Variants in ZNF764 observed in about 807,000 individuals in gnomAD.
ZNF764 encodes zinc finger protein 764.
Under a neutral mutation model 13.9 loss-of-function variants are expected in ZNF764, and 10 were observed. The ratio of observed to expected loss-of-function variants is 0.72; its 90% CI spans 0.44 to 1.22. The LOEUF is 1.22. Ranked by LOEUF, ZNF764 falls within the 50% of genes most tolerant of loss-of-function variation. The pLI is 0.00. For missense variants in ZNF764, 647 were observed against 589.7 expected (o/e 1.10, Z -1.01); for synonymous variants, 313 against 255.1 (o/e 1.23, Z -2.16).
chr16:30,555,612 T>C lies in ZNF764; in HGVS notation c.806A>G (p.Gln269Arg), dbSNP rs2051545511. Residue 269 changes from glutamine to arginine, a missense_variant, in exon 3 of 3, where the codon CAG (glutamine) becomes CGG (arginine). Coordinates refer to ENST00000395091, the MANE Select transcript of ZNF764 (RefSeq NM_001172679.2). The stretch of plus-strand genomic sequence containing the variant: ...CCGGTGCTGGTAGAGGGCAGAGCTC[T>C]GGCTGAAGCGGCGGCCACAGTCGGC... ...GCADCGRRFSQSSALYQHRRV... is the reference protein window; with the variant it reads ...GCADCGRRFSRSSALYQHRRV... 6.5e-7 allele frequency: 1 copy of C among 1,546,494 alleles called. No homozygotes were observed. Among genetic ancestry groups the C allele is most frequent in the East Asian group, 2.4e-5 (1 of 42,398 alleles).
rs754649902 is a variant in ZNF764 at position 30,555,588 on chromosome 16, C to T, written c.830G>A (p.Arg277Gln). The T allele has an allele frequency of 5.8e-6, 9 of 1,543,838 alleles. No individual in the cohort carries two copies. Among genetic ancestry groups the T allele is most frequent in the Middle Eastern group, 3.5e-4 (2 of 5,688 alleles). The change falls in exon 3 of 3, where the codon CGG (arginine) becomes CAG (glutamine). Residue 277 changes from arginine (R) to glutamine (Q), a missense_variant. Coordinates refer to ENST00000395091, the MANE Select transcript of ZNF764 (RefSeq NM_001172679.2). ...GGGGGTCTCGCCGCTGTGCACGCGC[C>T]GGTGCTGGTAGAGGGCAGAGCTCTG... The part of the protein sequence containing the change: ...FSQSSALYQH[R>Q]RVHSGETPFP...
chr16:30,555,292 C>CGACCCGGCCCCTGTGG lies in ZNF764; in HGVS notation c.1110_1125dup (p.Ala376ProfsTer46), dbSNP rs1376845032. 6.2e-7 allele frequency: 1 copy of CGACCCGGCCCCTGTGG among 1,611,752 alleles called. No homozygotes were observed. The highest frequency in any genetic ancestry group is 1.1e-5 in the South Asian group (1 of 90,934). The stretch of plus-strand genomic sequence containing the variant: ...GTCAGGGTCACAGACAGACGCCCGG[C>CGACCCGGCCCCTGTGG]GACCCGGCCCCTGTGGCCCCCGGCC... On this transcript the variant is annotated frameshift_variant, in exon 3 of 3. Coordinates refer to ENST00000395091, the MANE Select transcript of ZNF764 (RefSeq NM_001172679.2). LOFTEE classifies it low-confidence loss of function (END_TRUNC).
Position 30,558,270 on chromosome 16 carries a change from C to A in ZNF764, c.-88G>T. The A allele has an allele frequency of 7.1e-7, 1 of 1,413,170 alleles. No homozygotes were observed. The highest frequency in any genetic ancestry group is 1.8e-4 in the Middle Eastern group (1 of 5,438). 87.5% of individuals were successfully genotyped at this position (1,413,170 alleles called of 1,614,324 possible). On this transcript the variant is annotated 5_prime_UTR_variant, in exon 1 of 3. Transcript: ENST00000395091. ...CCTCCTGCGCCCGAGAAAGCCTCCC[C>A]GGCCCGGGCCCAAGGGAAGGAGGGA... is the stretch of plus-strand genomic sequence containing the variant.
Position 30,556,005 on chromosome 16 carries a change from G to T in ZNF764, c.413C>A (p.Ala138Asp), listed in dbSNP as rs115131694. 8.1e-6 allele frequency: 13 copies of T among 1,612,530 alleles called. No individual in the cohort carries two copies. In the African/African-American group the frequency reaches 1.6e-4, roughly 20 times the overall value. ...AGSPGLKSPQAPSAGPPYGWE... is the reference protein window; with the variant it reads ...AGSPGLKSPQDPSAGPPYGWE... Reference sequence around the variant, plus strand: ...ACCATAAGGGGGCCCGGCCGAGGGGGCTTGGGGAGACTTCAGCCCAGGAGA... The same window carrying T: ...ACCATAAGGGGGCCCGGCCGAGGGGTCTTGGGGAGACTTCAGCCCAGGAGA... The change falls in exon 3 of 3, where the codon GCC (alanine) becomes GAC (aspartate). Residue 138 changes from alanine to aspartate, a missense_variant. Ala to Asp is a moderately radical substitution (Grantham distance 126). Transcript: ENST00000395091.
At chr16:30,557,179 G>C (rs192938764) in intron 2 of ZNF764, among the ~76,000 whole-genome samples, 5 of 151,618 alleles carry the variant, frequency 3.3e-5, no homozygotes, top group African/African-American at 1.2e-4. Flanking sequence ...GGTGGCGGGC[G>C]CCTGTAATCC....
Position 30,557,786 on chromosome 16 carries a change from C to T in ZNF764, c.257G>A (p.Gly86Asp), listed in dbSNP as rs767277153. The part of the protein sequence containing the change: ...SWVEEEAELW[G>D]PAAQDPEVAK... Reference sequence around the variant, plus strand: ...CACCTCCGGATCCTGGGCAGCCGGACCCCACAGTTCGGCCTCCTCCTCCAC... The same window carrying T: ...CACCTCCGGATCCTGGGCAGCCGGATCCCACAGTTCGGCCTCCTCCTCCAC... The change falls in exon 2 of 3, where the codon GGT becomes GAT. Residue 86 changes from glycine (G) to aspartate (D), a missense_variant. By Grantham distance (94) the Gly-to-Asp change is moderately conservative (BLOSUM62 -1). Coordinates refer to ENST00000395091, the MANE Select transcript of ZNF764 (RefSeq NM_001172679.2). 1.6e-5 allele frequency: 26 copies of T among 1,613,254 alleles called. No homozygotes were observed. Among genetic ancestry groups the T allele is most frequent in the African/African-American group, 6.7e-5 (5 of 75,034 alleles).
rs139523326 is a variant in ZNF764 at position 30,558,076 on chromosome 16, C to A, written c.107G>T (p.Cys36Phe). 30 of 1,611,948 alleles carry A rather than the reference C, an allele frequency of 1.9e-5. No individual in the cohort carries two copies. In the African/African-American group the frequency reaches 3.6e-4, roughly 19 times the overall value. The change falls in exon 1 of 3, where the codon TGC becomes TTC. Residue 36 changes from cysteine to phenylalanine, a missense_variant. Physicochemically the swap from Cys to Phe is radical, Grantham distance 205. Transcript: ENST00000395091. ...VSFADVAVYFCREEWGCLRPA... is the reference protein window; with the variant it reads ...VSFADVAVYFFREEWGCLRPA... ...CCGCAAGCAGCCCCACTCCTCCCGG[C>A]AGAAGTACACGGCCACGTCCGCGAA...
At position 30,555,187 on chromosome 16, in the gene ZNF764, A is replaced by C. The variant is rs1036641726; in HGVS notation, c.*7T>G. Reference sequence around the variant, plus strand: ...CCGTAATGTCTAGATAGTCACTTTTAAGGCCGTCACCCACACTCCTGGAAT... The same window carrying C: ...CCGTAATGTCTAGATAGTCACTTTTCAGGCCGTCACCCACACTCCTGGAAT... On this transcript the variant is annotated 3_prime_UTR_variant, in exon 3 of 3. Transcript: ENST00000395091. The C allele has an allele frequency of 5.6e-6, 9 of 1,601,372 alleles. No individual in the cohort carries two copies. Among genetic ancestry groups the C allele is most frequent in the Non-Finnish European group, 7.7e-6 (9 of 1,173,944 alleles).
At chr16:30,557,452 C>T (rs1329825041) in intron 2 of ZNF764, among the ~76,000 whole-genome samples, 1 of 152,236 alleles carries the variant, frequency 6.6e-6, no homozygotes, top group South Asian at 2.1e-4. Flanking sequence ...GACAACAAAG[C>T]GAGACCCTGT....
At position 30,555,362 on chromosome 16, in the gene ZNF764, G is replaced by C. The variant is rs1043557411; in HGVS notation, c.1056C>G (p.Gly352=). The C allele has an allele frequency of 6.2e-7, 1 of 1,600,908 alleles. No individual in the cohort carries two copies. The highest frequency in any genetic ancestry group is 1.7e-4 in the Middle Eastern group (1 of 6,018). The part of the protein sequence containing the change: ...YPCPQCGRRF[G]QKSAVAKHQW... Reference sequence around the variant, plus strand: ...GGTGTTTGGCCACGGCTGACTTCTGGCCAAAGCGGCGGCCGCACTGCGGGC... The same window carrying C: ...GGTGTTTGGCCACGGCTGACTTCTGCCCAAAGCGGCGGCCGCACTGCGGGC... The change falls in exon 3 of 3, where the codon GGC becomes GGG. Residue 352 remains glycine, a synonymous_variant. Coordinates refer to ENST00000395091, the MANE Select transcript of ZNF764 (RefSeq NM_001172679.2).
In ZNF764 at chr16:30,558,048, T is replaced by C; in HGVS notation, c.135A>G (p.Pro45=). ...FCREEWGCLR[P]AQRALYRDVM... Reference sequence around the variant, plus strand: ...CGTCCCGGTACAGGGCCCTCTGCGCTGGCCGCAAGCAGCCCCACTCCTCCC... The same window carrying C: ...CGTCCCGGTACAGGGCCCTCTGCGCCGGCCGCAAGCAGCCCCACTCCTCCC... Residue 45 remains proline, a synonymous_variant, in exon 1 of 3, where the codon CCA becomes CCG. Coordinates refer to ENST00000395091, the MANE Select transcript of ZNF764 (RefSeq NM_001172679.2). 6.2e-7 allele frequency: 1 copy of C among 1,611,858 alleles called. No individual in the cohort carries two copies. The highest frequency in any genetic ancestry group is 1.3e-5 in the African/African-American group (1 of 74,866).
Position 30,555,154 on chromosome 16 carries a change from C to G in ZNF764, c.*40G>C. ...GAGGTTCGGGCCCCTGAGCCCATCT[C>G]GGGCCTCCCGTAATGTCTAGATAGT... is the stretch of plus-strand genomic sequence containing the variant. On this transcript the variant is annotated 3_prime_UTR_variant, in exon 3 of 3. Coordinates refer to ENST00000395091, the MANE Select transcript of ZNF764 (RefSeq NM_001172679.2). 6.4e-7 allele frequency: 1 copy of G among 1,553,510 alleles called. No individual in the cohort carries two copies. Among genetic ancestry groups the G allele is most frequent in the Non-Finnish European group, 8.7e-7 (1 of 1,152,122 alleles).
At position 30,555,788 on chromosome 16, in the gene ZNF764, G is replaced by A. The variant is rs968442709; in HGVS notation, c.630C>T (p.Gly210=). 3.1e-6 allele frequency: 5 copies of A among 1,610,308 alleles called. No individual in the cohort carries two copies. The African/African-American group carries it at 6.7e-5, about 22-fold the overall frequency. The part of the protein sequence containing the change: ...KPFHCTDCGK[G]FGHASSLSKH... ...TGCTCAGGGAGGAAGCGTGGCCGAAGCCCTTGCCGCAGTCAGTGCAGTGGA... is the reference window on the plus strand; with the variant it reads ...TGCTCAGGGAGGAAGCGTGGCCGAAACCCTTGCCGCAGTCAGTGCAGTGGA... The change falls in exon 3 of 3, where the codon GGC becomes GGT. Residue 210 remains glycine, a synonymous_variant. Coordinates refer to ENST00000395091, the MANE Select transcript of ZNF764 (RefSeq NM_001172679.2).
rs767856777 is a variant in ZNF764, at chr16:30,555,171, CTAGA to C, written c.*19_*22del. ...GCCCATCTCGGGCCTCCCGTAATGT[CTAGA>C]TAGTCACTTTTAAGGCCGTCACCCA... On this transcript the variant is annotated 3_prime_UTR_variant, in exon 3 of 3. Transcript: ENST00000395091. 8 of 1,588,636 alleles carry C rather than the reference CTAGA, an allele frequency of 5.0e-6. No individual in the cohort carries two copies. Among genetic ancestry groups the C allele is most frequent in the South Asian group, 4.6e-5 (4 of 87,266 alleles).
intron 2 of ZNF764, among the ~76,000 whole-genome samples, chr16:30,556,749 G>A (rs2051559426): frequency 6.6e-6 from 1 of 152,048 alleles, no homozygotes. Flanking sequence ...CAGACGCAGT[G>A]GGTCACTTTG....
In ZNF764 at chr16:30,558,284, G is replaced by T; in HGVS notation, c.-102C>A. Reference sequence around the variant, plus strand: ...GAAAGCCTCCCCGGCCCGGGCCCAAGGGAAGGAGGGAGGTTACTAGGGCCC... The same window carrying T: ...GAAAGCCTCCCCGGCCCGGGCCCAATGGAAGGAGGGAGGTTACTAGGGCCC... On this transcript the variant is annotated 5_prime_UTR_variant, in exon 1 of 3. Transcript: ENST00000395091. 2 of 1,373,946 alleles carry T rather than the reference G, an allele frequency of 1.5e-6. No individual in the cohort carries two copies. The highest frequency in any genetic ancestry group is 1.5e-5 in the South Asian group (1 of 67,056). The allele number at this position is 1,373,946 out of a possible 1,614,324, so 85.1% of individuals were successfully genotyped here.
In ZNF764 at chr16:30,556,108, C is replaced by G; in HGVS notation, c.311-1G>C. ...CTTTCCTTTTTCTTGTTTCTGGAAT[C>G]TGCTGAGAGATAAAGAGGGGAGAGT... On this transcript the variant is annotated splice_acceptor_variant, in intron 2 of 2. Transcript: ENST00000395091. LOFTEE classifies it high-confidence loss of function. The G allele has an allele frequency of 6.2e-7, 1 of 1,610,546 alleles. No individual in the cohort carries two copies. The highest frequency in any genetic ancestry group is 8.5e-7 in the Non-Finnish European group (1 of 1,180,008).
chr16:30,557,161 G>C (rs1412500819), intron 2 of ZNF764, among the ~76,000 whole-genome samples: 4 of 147,372 alleles, frequency 2.7e-5, no homozygotes, highest in Non-Finnish European at 4.5e-5. Flanking sequence ...AAAAAATTAA[G>C]CAGGCTTGGT....
Position 30,558,314 on chromosome 16 carries a change from G to A in ZNF764, c.-132C>T. ...GGAGGGAGGTTACTAGGGCCCCCGA[G>A]GGCGCACTAGAGGGCGTGGAAACTA... On this transcript the variant is annotated 5_prime_UTR_variant, in exon 1 of 3. Coordinates refer to ENST00000395091, the MANE Select transcript of ZNF764 (RefSeq NM_001172679.2). The A allele has an allele frequency of 9.3e-7, 1 of 1,080,008 alleles. No homozygotes were observed. Among genetic ancestry groups the A allele is most frequent in the African/African-American group, 1.6e-5 (1 of 62,560 alleles). 66.9% of individuals were successfully genotyped at this position (1,080,008 alleles called of 1,614,324 possible).
Sources: gnomAD v4.1 joint callset for allele counts (sites outside exome capture counted in the v4.1 genomes callset) on GRCh38, gnomAD v4.1.1 for gene constraint, MANE v1.5 for transcripts, NCBI Gene and HGNC (gene_info 2026-07-23, HGNC 2026-07-21) for gene names.